Variants in PM20D1 observed in about 807,000 individuals in gnomAD.
PM20D1 encodes the protein peptidase M20 domain containing 1.
Under a neutral mutation model 53.8 loss-of-function variants are expected in PM20D1, and 53 were observed. The ratio of observed to expected loss-of-function variants is 0.98; its 90% CI spans 0.79 to 1.24. PM20D1 has a LOEUF of 1.24. PM20D1 is among the 50% of genes most tolerant of loss of function. PM20D1 has a pLI of 0.00. For synonymous variants in PM20D1, 239 were observed against 241.3 expected, an observed-to-expected ratio of 0.99 and a Z score of 0.09; for missense variants, 564 against 616.8, an observed-to-expected ratio of 0.91 and a Z score of 0.91.
chr1:205,830,195 G>T, intron 12 of PM20D1, 85 bp downstream of exon 12: 1 of 1,048,110 alleles, frequency 9.5e-7, no homozygotes, highest in Non-Finnish European at 1.5e-6. Context: ...CTGATTCTGT[G>T]GACTGCCAGG....
At chr1:205,842,581 G>T (rs1331362521) in intron 7 of PM20D1, 95 bp downstream of exon 7, 2 of 1,228,164 alleles carry the variant, frequency 1.6e-6, no homozygotes, top group Non-Finnish European at 2.4e-6. Flanking sequence ...CAGAGTGCTG[G>T]ACAGTACTAG....
chr1:205,833,683 G>T (rs926038990), intron 10 of PM20D1, among the ~76,000 whole-genome samples: 1 of 152,148 alleles, frequency 6.6e-6, no homozygotes, highest in South Asian at 2.1e-4. Context: ...GAGCCACGTG[G>T]GAATGGACCA....
chr1:205,844,891 G>C lies in PM20D1; in HGVS notation c.496C>G (p.Leu166Val). The change falls in exon 4 of 13, where the codon CTG (leucine) becomes GTG (valine). Residue 166 changes from leucine (L) to valine (V), a missense_variant. Transcript: ENST00000367136. ...LDDKNSVMALLQALELLLIRK... is the reference protein window; with the variant it reads ...LDDKNSVMALVQALELLLIRK... The stretch of plus-strand genomic sequence containing the variant: ...ATCAGCAGGAGCTCCAAGGCCTGCA[G>C]TAATGCCTGGGGTTCAGAAGCACAA... 6.2e-7 allele frequency: 1 copy of C among 1,613,650 alleles called. No individual in the cohort carries two copies. Among genetic ancestry groups the C allele is most frequent in the Non-Finnish European group, 8.5e-7 (1 of 1,179,922 alleles).
chr1:205,838,391 T>C (rs1473178638), intron 10 of PM20D1, among the ~76,000 whole-genome samples: 1 of 152,220 alleles, frequency 6.6e-6, no homozygotes, highest in Non-Finnish European at 1.5e-5. Context: ...AGCTTAAACA[T>C]TACTGCCTTA....
In PM20D1 at chr1:205,828,588, C is replaced by T. The variant is rs368735554; in HGVS notation, c.*32G>A. On this transcript the variant is annotated 3_prime_UTR_variant, in exon 13 of 13. Coordinates refer to ENST00000367136, the MANE Select transcript of PM20D1 (RefSeq NM_152491.5). Reference sequence around the variant, plus strand: ...CCTTGGGTTAGTCCTGTCCCGGGGTCGGGCATGCCTAACCCAGCAGGCCCC... The same window carrying T: ...CCTTGGGTTAGTCCTGTCCCGGGGTTGGGCATGCCTAACCCAGCAGGCCCC... 5.0e-6 allele frequency: 8 copies of T among 1,612,712 alleles called. No homozygotes were observed. Among genetic ancestry groups the T allele is most frequent in the East Asian group, 4.5e-5 (2 of 44,880 alleles).
intron 9 of PM20D1, 129 bp from the exon 10 acceptor site, chr1:205,840,452 C>CT (rs1326585727): frequency 1.9e-5 from 13 of 690,470 alleles, no homozygotes; most frequent in African/African-American, 1.6e-4. Flanking sequence ...CAAGGCTTAG[C>CT]TTTTCTAGTC....
intron 3 of PM20D1, 64 bp downstream of exon 3, chr1:205,845,261 C>A: frequency 1.3e-6 from 2 of 1,513,330 alleles, no homozygotes; most frequent in South Asian, 1.1e-5. Context: ...CCAGGGTCAG[C>A]CAAGCACCCC....
intron 10 of PM20D1, among the ~76,000 whole-genome samples, chr1:205,839,196 C>T (rs1656749755): frequency 6.6e-6 from 1 of 152,186 alleles, no homozygotes; most frequent in South Asian, 2.1e-4. Flanking sequence ...TTACTTGTCC[C>T]CAGTTTATTC....
chr1:205,842,764 CAGAGT>C lies in PM20D1; in HGVS notation c.828-18_828-14del. On this transcript the variant is annotated splice_polypyrimidine_tract_variant and intron_variant, in intron 6 of 12. Transcript: ENST00000367136. ...TGTCTGCTCCAATCTGGAAGAGAAACAGAGTCCTCAAGACTTAGCGAACCCCAGCC... is the reference window on the plus strand; with the variant it reads ...TGTCTGCTCCAATCTGGAAGAGAAACCCTCAAGACTTAGCGAACCCCAGCC... 6.2e-7 allele frequency: 1 copy of C among 1,613,476 alleles called. No individual in the cohort carries two copies. The highest frequency in any genetic ancestry group is 8.5e-7 in the Non-Finnish European group (1 of 1,179,804).
At position 205,847,884 on chromosome 1, in the gene PM20D1, C is replaced by A. The variant is rs1475237334; in HGVS notation, c.256+1G>T. Reference sequence around the variant, plus strand: ...CCCCTTGCCCCTGATTTGCAGCTGACCTTTATGAATGTATTTTCCGAACTC... The same window carrying A: ...CCCCTTGCCCCTGATTTGCAGCTGAACTTTATGAATGTATTTTCCGAACTC... On this transcript the variant is annotated splice_donor_variant, in intron 2 of 12. Coordinates refer to ENST00000367136, the MANE Select transcript of PM20D1 (RefSeq NM_152491.5). LOFTEE classifies it high-confidence loss of function. The A allele has an allele frequency of 1.3e-6, 2 of 1,553,152 alleles. No individual in the cohort carries two copies. The highest frequency in any genetic ancestry group is 1.8e-6 in the Non-Finnish European group (2 of 1,125,758).
chr1:205,834,011 C>T (rs982384657), intron 10 of PM20D1, among the ~76,000 whole-genome samples: 1 of 151,484 alleles, frequency 6.6e-6, no homozygotes, highest in Non-Finnish European at 1.5e-5. Flanking sequence ...CTATGCCTGA[C>T]TAATTTTTGT....
chr1:205,840,360 C>T (rs1055409119), intron 9 of PM20D1, 37 bp from the exon 10 acceptor site: 2 of 1,577,560 alleles, frequency 1.3e-6, no homozygotes, highest in East Asian at 2.2e-5. Flanking sequence ...CTTGAGTCAA[C>T]CTCAAATCTT....
Position 205,844,851 on chromosome 1 carries a change from G to A in PM20D1, c.536C>T (p.Pro179Leu), listed in dbSNP as rs1267612495. ...CAGAGAAATGAAGAAAGATCTTCGGGGGATGTACTTCCTGATCAGCAGGAG... is the reference window on the plus strand; with the variant it reads ...CAGAGAAATGAAGAAAGATCTTCGGAGGATGTACTTCCTGATCAGCAGGAG... ...LELLLIRKYI[P>L]RRSFFISLGH... The change falls in exon 4 of 13, where the codon CCC (proline) becomes CTC (leucine). Residue 179 changes from proline to leucine, a missense_variant. Transcript: ENST00000367136. 1 of 1,614,010 alleles carries A rather than the reference G, an allele frequency of 6.2e-7. No homozygotes were observed. Among genetic ancestry groups the A allele is most frequent in the Admixed American group, 1.7e-5 (1 of 60,020 alleles).
chr1:205,840,633 TGCTATTAGAA>T (rs1229787731), intron 9 of PM20D1, among the ~76,000 whole-genome samples: 4 of 152,228 alleles, frequency 2.6e-5, no homozygotes, highest in African/African-American at 4.8e-5. Context: ...CCCCATGCTG[TGCTATTAGAA>T]GCCTTCTGTG....
chr1:205,832,183 G>A (rs1318489633), intron 11 of PM20D1, among the ~76,000 whole-genome samples: 1 of 152,186 alleles, frequency 6.6e-6, no homozygotes, highest in Non-Finnish European at 1.5e-5. Flanking sequence ...CGTAAATTAG[G>A]TTAAGGCAAA....
chr1:205,836,253 A>T (rs1054048592), intron 10 of PM20D1, among the ~76,000 whole-genome samples: 3 of 152,200 alleles, frequency 2.0e-5, no homozygotes, highest in Non-Finnish European at 4.4e-5. Flanking sequence ...ATTTTCCTCT[A>T]AGTGAACGGT....
rs1351029151 is a variant in PM20D1 at position 205,849,912 on chromosome 1, G to A, written c.161C>T (p.Ala54Val). 5 of 1,611,964 alleles carry A rather than the reference G, an allele frequency of 3.1e-6. No individual in the cohort carries two copies. Among genetic ancestry groups the A allele is most frequent in the East Asian group, 2.2e-5 (1 of 44,722 alleles). Residue 54 changes from alanine to valine, a missense_variant, in exon 1 of 13, where the codon GCG becomes GTG. Transcript: ENST00000367136. The part of the protein sequence containing the change: ...SKEERVAMKE[A>V]LKGAIQIPTV... ...AGGGGACCCGGGTTCACCTTTCAGC[G>A]CCTCTTTCATCGCGACGCGTTCCTC...
At chr1:205,844,744 G>C in intron 4 of PM20D1, 67 bp downstream of exon 4, 3 of 1,459,974 alleles carry the variant, frequency 2.1e-6, no homozygotes, top group East Asian at 2.3e-5. Context: ...AACTGGACTA[G>C]GGTTAAGCAC....
chr1:205,832,824 A>G, intron 10 of PM20D1, 58 bp from the exon 11 acceptor site: 1 of 1,473,846 alleles, frequency 6.8e-7, no homozygotes, highest in Non-Finnish European at 9.1e-7. Flanking sequence ...CATGTACAAT[A>G]TGGGCTTAAA....
Sources: gnomAD v4.1 joint callset for allele counts (sites outside exome capture counted in the v4.1 genomes callset) on GRCh38, gnomAD v4.1.1 for gene constraint, MANE v1.5 for transcripts, NCBI Gene and HGNC (gene_info 2026-07-23, HGNC 2026-07-21) for gene names.